Variants in UBR3 observed in about 807,000 individuals in gnomAD.
UBR3 encodes the protein E3 ubiquitin-protein ligase UBR3.
Under a neutral mutation model 243.2 loss-of-function variants are expected in UBR3, and 85 were observed. The observed-to-expected ratio is 0.35, with a 90% CI of 0.29 to 0.42. The LOEUF (loss-of-function observed/expected upper bound fraction) is 0.42. UBR3 is among the 10% of genes least tolerant of loss of function. The pLI, the probability that UBR3 is intolerant of heterozygous loss-of-function variation, is 1.00. For missense variants in UBR3, 1,686 were observed against 2,300.8 expected (o/e 0.73, Z 5.47); for synonymous variants, 748 against 799.8 (o/e 0.94, Z 1.09).
chr2:169,923,980 A>G lies in UBR3; in HGVS notation c.1918A>G (p.Met640Val), dbSNP rs760256598. The G allele has an allele frequency of 3.2e-5, 50 of 1,546,410 alleles. 2 individuals carry two copies. In the South Asian group the frequency reaches 4.7e-4, roughly 15 times the overall value. ...TCTGCCACTACATCGTTACTATGCT[A>G]TGTTTTTGAGTAAGGTAAGACTGTC... ...FHLPLHRYYA[M>V]FLSKAVKCQE... The change falls in exon 12 of 39, where the codon ATG becomes GTG. Residue 640 changes from methionine (M) to valine (V), a missense_variant. Met to Val is a conservative substitution (Grantham distance 21). Around this residue, in one of 8 missense-constraint regions of UBR3, gnomAD observed 346 missense variants for 585.8 expected, o/e 0.59. Transcript: ENST00000272793.
Position 169,932,941 on chromosome 2 carries a change from G to C in UBR3, c.2596G>C (p.Val866Leu). The change falls in exon 19 of 39, where the codon GTC becomes CTC. Residue 866 changes from valine (V) to leucine (L), a missense_variant. Val to Leu is a conservative substitution (Grantham distance 32). Coordinates refer to ENST00000272793, the MANE Select transcript of UBR3 (RefSeq NM_172070.4). ...AGTCTGGGATCAAGAGTTTGACCCCGTCATGGTCATTCTTCGAACAGTTTA... is the reference window on the plus strand; with the variant it reads ...AGTCTGGGATCAAGAGTTTGACCCCCTCATGGTCATTCTTCGAACAGTTTA... ...AEVWDQEFDP[V>L]MVILRTVYRR... 5.8e-6 allele frequency: 9 copies of C among 1,541,674 alleles called. No individual in the cohort carries two copies. The highest frequency in any genetic ancestry group is 7.9e-6 in the Non-Finnish European group (9 of 1,144,252).
intron 24 of UBR3, among the ~76,000 whole-genome samples, chr2:169,960,612 C>T (rs139051658): frequency 5.3e-5 from 8 of 152,022 alleles, no homozygotes; most frequent in Admixed American, 2.0e-4. Flanking sequence ...ACAATATTTA[C>T]GTATCGTTCT....
Position 170,073,609 on chromosome 2 carries a change from T to C in UBR3, c.5199+2T>C. 1 of 1,612,742 alleles carries C rather than the reference T, an allele frequency of 6.2e-7. No individual in the cohort carries two copies. The highest frequency in any genetic ancestry group is 8.5e-7 in the Non-Finnish European group (1 of 1,179,332). On this transcript the variant is annotated splice_donor_variant, in intron 36 of 38. Transcript: ENST00000272793. LOFTEE classifies it high-confidence loss of function. Reference sequence around the variant, plus strand: ...GAAAGACATGCAGAACAAGGAAAGGTATGTTAAAAGAGTTGTACTAGCTTG... The same window carrying C: ...GAAAGACATGCAGAACAAGGAAAGGCATGTTAAAAGAGTTGTACTAGCTTG...
intron 19 of UBR3, among the ~76,000 whole-genome samples, chr2:169,939,434 ATT>A (rs35441817): frequency 7.1e-6 from 1 of 141,548 alleles, no homozygotes; most frequent in African/African-American, 2.6e-5. Flanking sequence ...AATTTTTTGT[ATT>A]TTTTTTTTTT....
intron 26 of UBR3, among the ~76,000 whole-genome samples, chr2:169,995,271 A>C (rs994944775): frequency 6.6e-6 from 1 of 152,278 alleles, no homozygotes; most frequent in Admixed American, 6.5e-5. Context: ...CACTTTGCAA[A>C]CATTTATTCC....
intron 5 of UBR3, among the ~76,000 whole-genome samples, chr2:169,881,889 A>G (rs2083860001): frequency 8.0e-6 from 1 of 124,932 alleles, no homozygotes; most frequent in South Asian, 2.4e-4. Flanking sequence ...GTATATGTGT[A>G]CATGTATACA....
intron 6 of UBR3, among the ~76,000 whole-genome samples, chr2:169,893,864 A>G (rs1032366939): frequency 6.6e-6 from 1 of 152,062 alleles, no homozygotes; most frequent in African/African-American, 2.4e-5. Flanking sequence ...CCGAGCCTAT[A>G]TTATAATTTT....
chr2:170,017,538 CACACACAG>C (rs1297267006), intron 30 of UBR3, among the ~76,000 whole-genome samples: 6 of 26,574 alleles, frequency 2.3e-4, no homozygotes, highest in Admixed American at 5.0e-4. Context: ...CACACACACA[CACACACAG>C]ACACACACAC....
intron 32 of UBR3, among the ~76,000 whole-genome samples, chr2:170,042,907 C>G (rs1230766661): frequency 6.6e-6 from 1 of 151,680 alleles, no homozygotes. Flanking sequence ...GTTTAAAAAC[C>G]TGTTAAGTAG....
intron 35 of UBR3, among the ~76,000 whole-genome samples, chr2:170,067,025 T>C (rs555235944): frequency 7.9e-6 from 1 of 125,888 alleles, no homozygotes; most frequent in Non-Finnish European, 1.9e-5. Context: ...GTAGCTATTA[T>C]CCTCATTTTC....
At chr2:169,892,401 T>C (rs371990112) in intron 6 of UBR3, among the ~76,000 whole-genome samples, 1 of 152,198 alleles carries the variant, frequency 6.6e-6, no homozygotes, top group African/African-American at 2.4e-5. Flanking sequence ...CCTGCTGTGG[T>C]GTAAGAGGTC....
intron 1 of UBR3, among the ~76,000 whole-genome samples, chr2:169,869,216 G>GTT (rs11344991): frequency 0.013 from 755 of 56,190 alleles, 18 homozygotes; most frequent in African/African-American, 0.028. Flanking sequence ...GATTGATAAG[G>GTT]TTTTTTTTTT....
Position 170,080,752 on chromosome 2 carries a change from C to A in UBR3, c.5549+68C>A, listed in dbSNP as rs905127828. The A allele has an allele frequency of 6.1e-6, 9 of 1,482,054 alleles. No homozygotes were observed. In the East Asian group the frequency reaches 2.1e-4, roughly 34 times the overall value. The allele number at this position is 1,482,054 out of a possible 1,614,324, so 91.8% of individuals were successfully genotyped here. On this transcript the variant is annotated intron_variant, in intron 38 of 38. Transcript: ENST00000272793. ...GGTCAGTGAAAACCAATATGCTATT[C>A]CTGGCTTTGTAATTACAATTTTTTT...
intron 25 of UBR3, among the ~76,000 whole-genome samples, chr2:169,993,339 T>A (rs1209084608): frequency 6.6e-6 from 1 of 152,224 alleles, no homozygotes; most frequent in African/African-American, 2.4e-5. Flanking sequence ...TATACACTTA[T>A]ATCATTTTTT....
chr2:169,931,089 C>T (rs1010413736), intron 18 of UBR3, among the ~76,000 whole-genome samples: 1 of 152,062 alleles, frequency 6.6e-6, no homozygotes, highest in Non-Finnish European at 1.5e-5. Context: ...CAGTGGCTCA[C>T]GCCTGTAATC....
intron 35 of UBR3, among the ~76,000 whole-genome samples, chr2:170,072,862 A>G (rs900048834): frequency 6.6e-6 from 1 of 152,118 alleles, no homozygotes; most frequent in Non-Finnish European, 1.5e-5. Flanking sequence ...TTAAATATCA[A>G]CTTTTAAGAT....
intron 27 of UBR3, among the ~76,000 whole-genome samples, chr2:170,002,466 T>C (rs2089747261): frequency 1.3e-5 from 2 of 152,214 alleles, no homozygotes; most frequent in South Asian, 4.1e-4. Context: ...GTCTCTTCCT[T>C]TGTCATTAAG....
In UBR3 at chr2:170,081,650, G is replaced by GA. The variant is rs565228040; in HGVS notation, c.5550-68dup. The GA allele has an allele frequency of 3.5e-3, 4,049 of 1,158,006 alleles. 11 individuals carry two copies. The highest frequency in any genetic ancestry group is 4.4e-3 in the Non-Finnish European group (3,658 of 832,132). The allele number at this position is 1,158,006 out of a possible 1,614,324, so 71.7% of individuals were successfully genotyped here. Reference sequence around the variant, plus strand: ...GGTTGCACTGCGAGAGACTGTCTCAGAAAAAAAAGAAGAAAGAAATGCATG... The same window carrying GA: ...GGTTGCACTGCGAGAGACTGTCTCAGAAAAAAAAAGAAGAAAGAAATGCATG... On this transcript the variant is annotated intron_variant, in intron 38 of 38. Coordinates refer to ENST00000272793, the MANE Select transcript of UBR3 (RefSeq NM_172070.4).
chr2:169,845,501 A>ATCGTCG (rs879064379), intron 1 of UBR3, among the ~76,000 whole-genome samples: 1 of 93,828 alleles, frequency 1.1e-5, no homozygotes, highest in Admixed American at 1.1e-4. Flanking sequence ...CTTCGTCGTC[A>ATCGTCG]TCGTCGTCGT....
Sources: allele counts gnomAD v4.1 joint callset (sites outside exome capture counted in the v4.1 genomes callset), GRCh38; gene constraint gnomAD v4.1.1; regional missense constraint gnomAD v4.1.1; transcripts MANE v1.5; gene names NCBI Gene and HGNC (gene_info 2026-07-23, HGNC 2026-07-21).